ADAMTS9: variants seen among roughly 807,000 people sequenced by gnomAD.
ADAMTS9 encodes the protein A disintegrin and metalloproteinase with thrombospondin motifs 9.
A neutral mutation model predicts 257.1 loss-of-function variants in ADAMTS9; 107 were observed. That is an observed-to-expected ratio of 0.42 (90% CI 0.36 to 0.49). The LOEUF (loss-of-function observed/expected upper bound fraction) is 0.49, where lower values mean the gene tolerates loss of function less well. Ranked by LOEUF, ADAMTS9 falls within the 20% of genes least tolerant of loss-of-function variation. ADAMTS9 has a pLI of 0.03. For missense variants in ADAMTS9, 2,353 were observed against 2,469.1 expected (o/e 0.95, Z 1.00); for synonymous variants, 982 against 880.9 (o/e 1.11, Z -2.03).
intron 16 of ADAMTS9, among the ~76,000 whole-genome samples, chr3:64,630,387 G>C (rs927042465): frequency 6.6e-6 from 1 of 152,178 alleles, no homozygotes; most frequent in Admixed American, 6.5e-5. Flanking sequence ...AACATAGTGA[G>C]ACATCATCTC....
At chr3:64,645,321 CAGACTCACAAATAAGTTTAA>C (rs1235631552) in intron 11 of ADAMTS9, among the ~76,000 whole-genome samples, 1 of 152,124 alleles carries the variant, frequency 6.6e-6, no homozygotes. Context: ...TTTCAAACCT[CAGACTCACAAATAAGTTTAA>C]AAGGAAAATG....
intron 3 of ADAMTS9, among the ~76,000 whole-genome samples, chr3:64,669,490 T>C (rs1403463098): frequency 1.3e-5 from 2 of 152,210 alleles, no homozygotes; most frequent in Non-Finnish European, 2.9e-5. Flanking sequence ...GTTCTGGGCC[T>C]TGATCCTCTT....
intron 28 of ADAMTS9, chr3:64,569,129 T>C (rs918980140): frequency 3.3e-5 from 5 of 152,840 alleles, no homozygotes; most frequent in African/African-American, 1.2e-4. Flanking sequence ...ATCTGCAGAT[T>C]CACTGGACTG....
chr3:64,619,660 A>G (rs1700057232), intron 19 of ADAMTS9, among the ~76,000 whole-genome samples: 1 of 152,190 alleles, frequency 6.6e-6, no homozygotes, highest in Non-Finnish European at 1.5e-5. Flanking sequence ...AAGAATATTA[A>G]TAGGATAATA....
intron 28 of ADAMTS9, chr3:64,587,508 T>A (rs998529682): frequency 6.6e-6 from 1 of 152,192 alleles, no homozygotes; most frequent in African/African-American, 2.4e-5. Flanking sequence ...ATGTTTCAAG[T>A]GCTCAGTATT....
At position 64,628,055 on chromosome 3, in the gene ADAMTS9, CTG is replaced by C. The variant is rs569979702; in HGVS notation, c.2389+3398_2389+3399del. Among the ~76,000 whole-genome samples the C allele has an allele frequency of 4.1e-3, 625 of 152,248 alleles. 5 individuals are homozygous for C. The highest frequency in any genetic ancestry group is 0.014 in the South Asian group (68 of 4,820). On this transcript the variant is annotated intron_variant, in intron 16 of 39. Coordinates refer to ENST00000498707, the MANE Select transcript of ADAMTS9 (RefSeq NM_182920.2). ...GGTCTCGACTTTCACACTCAGTGGA[CTG>C]TGACTTGCAATGTAGGCTTGCACAC...
intron 11 of ADAMTS9, among the ~76,000 whole-genome samples, chr3:64,647,061 T>C (rs1700812974): frequency 6.6e-6 from 1 of 151,814 alleles, no homozygotes; most frequent in African/African-American, 2.4e-5. Context: ...GAATAAATTA[T>C]TAAAAGTAAG....
At chr3:64,586,141 T>G (rs2084146930) in intron 28 of ADAMTS9, among the ~76,000 whole-genome samples, 1 of 152,148 alleles carries the variant, frequency 6.6e-6, no homozygotes, top group Admixed American at 6.6e-5. Context: ...AGACCACTAC[T>G]GAGCAGTGAG....
chr3:64,589,375 C>CAT (rs1284874449), intron 28 of ADAMTS9: 5 of 152,138 alleles, frequency 3.3e-5, no homozygotes, highest in African/African-American at 9.7e-5. Context: ...CCTAAAAGTT[C>CAT]ATTCTGAACA....
Position 64,613,527 on chromosome 3 carries a change from G to C in ADAMTS9, c.3190-18C>G. 3 of 1,608,524 alleles carry C rather than the reference G, an allele frequency of 1.9e-6. No individual in the cohort carries two copies. The highest frequency in any genetic ancestry group is 2.5e-6 in the Non-Finnish European group (3 of 1,177,450). The stretch of plus-strand genomic sequence containing the variant: ...ACCAAGCACTGTAATGAAAAGCGGA[G>C]CTAGTCAGGGTCATTTCTGATCAAT... On this transcript the variant is annotated intron_variant, in intron 21 of 39. Coordinates refer to ENST00000498707, the MANE Select transcript of ADAMTS9 (RefSeq NM_182920.2).
intron 3 of ADAMTS9, among the ~76,000 whole-genome samples, chr3:64,663,001 A>G (rs942703276): frequency 1.3e-5 from 2 of 152,138 alleles, no homozygotes; most frequent in Non-Finnish European, 2.9e-5. Flanking sequence ...CTTGGGTTCT[A>G]TGCTCAAGAT....
In ADAMTS9 at chr3:64,615,408, G is replaced by A. The variant is rs113120327; in HGVS notation, c.3102C>T (p.Asp1034=). ...CVNTRNDVLD[D]SKCTHQEKVT... ...CTTTCTCTTGATGTGTGCATTTGCTGTCATCCAGTACATCATTTCGGGTAT... is the reference window on the plus strand; with the variant it reads ...CTTTCTCTTGATGTGTGCATTTGCTATCATCCAGTACATCATTTCGGGTAT... The change falls in exon 21 of 40, where the codon GAC becomes GAT. Residue 1034 remains aspartate, a synonymous_variant. Coordinates refer to ENST00000498707, the MANE Select transcript of ADAMTS9 (RefSeq NM_182920.2). 2.4e-3 allele frequency: 3,822 copies of A among 1,614,024 alleles called. 14 individuals carry two copies. The highest frequency in any genetic ancestry group is 8.1e-3 in the Middle Eastern group (49 of 6,058).
intron 28 of ADAMTS9, among the ~76,000 whole-genome samples, chr3:64,580,338 A>G (rs2083966400): frequency 6.6e-6 from 1 of 152,168 alleles, no homozygotes; most frequent in African/African-American, 2.4e-5. Flanking sequence ...AGTATAGGAT[A>G]TCCAGGACTC....
chr3:64,547,097 T>G lies in ADAMTS9; in HGVS notation c.4870-145A>C, dbSNP rs78826033. Reference sequence around the variant, plus strand: ...CATTAGCTTATTTATTCATTTCAAGTGGCAGGCCCTGAGCGCACAGGAGAC... The same window carrying G: ...CATTAGCTTATTTATTCATTTCAAGGGGCAGGCCCTGAGCGCACAGGAGAC... On this transcript the variant is annotated intron_variant, in intron 31 of 39. Transcript: ENST00000498707. 0.037 allele frequency: 27,766 copies of G among 743,070 alleles called. 924 individuals are homozygous for G. Among genetic ancestry groups the G allele is most frequent in the East Asian group, 0.15 (5,337 of 35,426 alleles). The allele number at this position is 743,070 out of a possible 1,614,324, so 46.0% of individuals were successfully genotyped here.
chr3:64,586,561 A>G (rs778847715), intron 28 of ADAMTS9, among the ~76,000 whole-genome samples: 2 of 152,096 alleles, frequency 1.3e-5, no homozygotes, highest in Admixed American at 6.6e-5. Context: ...GTTGCCCTAA[A>G]CGGGGGGAAA....
At chr3:64,615,571 C>T in intron 20 of ADAMTS9, 86 bp from the exon 21 acceptor site, 6 of 1,375,972 alleles carry the variant, frequency 4.4e-6, no homozygotes, top group Non-Finnish European at 5.9e-6. Context: ...TCTCTTCCAG[C>T]TCTTAAGAAA....
chr3:64,655,642 CAA>C lies in ADAMTS9; in HGVS notation c.1101_1102del (p.Phe367LeufsTer16), dbSNP rs1441406274. The C allele has an allele frequency of 6.2e-7, 1 of 1,613,890 alleles. No individual in the cohort carries two copies. The highest frequency in any genetic ancestry group is 8.5e-7 in the Non-Finnish European group (1 of 1,180,004). Reference sequence around the variant, plus strand: ...ACTGTTCTTCGAATGCTGCCACTGGCAAAAGTTTTTTAATGTTGTCTGAGCAT... The same window carrying C: ...ACTGTTCTTCGAATGCTGCCACTGGCAAGTTTTTTAATGTTGTCTGAGCAT... On this transcript the variant is annotated frameshift_variant, in exon 6 of 40. Coordinates refer to ENST00000498707, the MANE Select transcript of ADAMTS9 (RefSeq NM_182920.2). LOFTEE classifies it high-confidence loss of function.
At chr3:64,585,033 G>C (rs2084112378) in intron 28 of ADAMTS9, among the ~76,000 whole-genome samples, 1 of 151,752 alleles carries the variant, frequency 6.6e-6, no homozygotes, top group Admixed American at 6.6e-5. Flanking sequence ...CAGCACCTGA[G>C]TAGCTGAGCT....
intron 3 of ADAMTS9, among the ~76,000 whole-genome samples, chr3:64,675,631 A>G (rs968072230): frequency 2.6e-5 from 4 of 152,124 alleles, no homozygotes; most frequent in African/African-American, 9.7e-5. Flanking sequence ...AAAACCAAAT[A>G]AACCAAAAAA....
Sources: allele counts gnomAD v4.1 joint callset (sites outside exome capture counted in the v4.1 genomes callset), GRCh38; gene constraint gnomAD v4.1.1; transcripts MANE v1.5; gene names NCBI Gene and HGNC (gene_info 2026-07-23, HGNC 2026-07-21).